The following SLC4A4 variants were observed in gnomAD, a reference collection of about 807,000 sequenced individuals.
SLC4A4 encodes the protein electrogenic sodium bicarbonate cotransporter 1.
In SLC4A4, 27 loss-of-function variants were observed where a neutral mutation model predicts 111.5. The observed-to-expected ratio is 0.24, with a 90% CI of 0.18 to 0.33. SLC4A4 has a LOEUF of 0.33. Among genes scored for constraint, SLC4A4 ranks in the 10% least tolerant of loss-of-function variants. The pLI is 1.00. For missense variants in SLC4A4, 909 were observed against 1,315.5 expected (o/e 0.69, Z 4.78); for synonymous variants, 443 against 463.4 (o/e 0.96, Z 0.57).
At chr4:71,559,709 G>A (rs1375768617) in intron 22 of SLC4A4, among the ~76,000 whole-genome samples, 1 of 151,614 alleles carries the variant, frequency 6.6e-6, no homozygotes, top group Non-Finnish European at 1.5e-5. Flanking sequence ...CCTTTATGAT[G>A]TTTTAATTTT....
At chr4:71,557,085 A>C (rs761020701) in intron 21 of SLC4A4, among the ~76,000 whole-genome samples, 11 of 151,948 alleles carry the variant, frequency 7.2e-5, no homozygotes, top group Non-Finnish European at 5.9e-5. Context: ...CCTTAGATTC[A>C]GATGTTGACC....
intron 3 of SLC4A4, among the ~76,000 whole-genome samples, chr4:71,266,962 T>G (rs559905796): frequency 2.8e-4 from 43 of 152,284 alleles, no homozygotes; most frequent in Admixed American, 7.8e-4. Flanking sequence ...TCAGATAAAT[T>G]TAAGAGAATG....
chr4:71,135,896 G>A (rs928104952), intron 2 of SLC4A4, among the ~76,000 whole-genome samples: 10 of 152,232 alleles, frequency 6.6e-5, no homozygotes, highest in Middle Eastern at 3.4e-3. Context: ...TTGAGTTGTC[G>A]ATGCCTTGCC....
chr4:71,430,073 G>A (rs1021677783), intron 7 of SLC4A4, among the ~76,000 whole-genome samples: 3 of 152,130 alleles, frequency 2.0e-5, no homozygotes, highest in African/African-American at 7.2e-5. Flanking sequence ...AGTGTTTGAT[G>A]AGCCAAAATT....
chr4:71,371,398 C>T (rs1298866293), intron 6 of SLC4A4, among the ~76,000 whole-genome samples: 1 of 151,938 alleles, frequency 6.6e-6, no homozygotes, highest in African/African-American at 2.4e-5. Context: ...CGCCCACCAC[C>T]ACTCCCAGCT....
At chr4:71,231,263 C>T (rs1000934394) in intron 1 of SLC4A4, among the ~76,000 whole-genome samples, 4 of 152,154 alleles carry the variant, frequency 2.6e-5, no homozygotes, top group African/African-American at 7.2e-5. Context: ...TTGCGCTGTG[C>T]GGACTAGCTG....
intron 3 of SLC4A4, among the ~76,000 whole-genome samples, chr4:71,314,868 G>A (rs1010047714): frequency 6.6e-6 from 1 of 151,972 alleles, no homozygotes; most frequent in Admixed American, 6.6e-5. Flanking sequence ...AACCACCATG[G>A]CACATGTATA....
chr4:71,160,595 A>C (rs1744594538), intron 2 of SLC4A4, among the ~76,000 whole-genome samples: 2 of 151,946 alleles, frequency 1.3e-5, no homozygotes, highest in South Asian at 4.1e-4. Flanking sequence ...GGTAATATGG[A>C]GTTGAGGAGG....
intron 4 of SLC4A4, among the ~76,000 whole-genome samples, chr4:71,347,958 A>G (rs1476915846): frequency 6.6e-6 from 1 of 152,202 alleles, no homozygotes; most frequent in Admixed American, 6.6e-5. Context: ...ATAATTCTAG[A>G]TAACTCTGAC....
At chr4:71,526,127 A>C (rs893750077) in intron 16 of SLC4A4, among the ~76,000 whole-genome samples, 3 of 152,106 alleles carry the variant, frequency 2.0e-5, no homozygotes, top group African/African-American at 7.2e-5. Flanking sequence ...TAAGACATGA[A>C]TAGCCTGCTA....
chr4:71,314,907 A>G (rs1726552800), intron 3 of SLC4A4, among the ~76,000 whole-genome samples: 1 of 152,126 alleles, frequency 6.6e-6, no homozygotes, highest in Non-Finnish European at 1.5e-5. Context: ...TGTTCAGCAC[A>G]TGTATCCCAG....
chr4:71,449,935 G>C (rs1646264918), intron 9 of SLC4A4, among the ~76,000 whole-genome samples: 1 of 152,142 alleles, frequency 6.6e-6, no homozygotes, highest in Non-Finnish European at 1.5e-5. Context: ...GTGTGTTTGA[G>C]AGCTCAGTGT....
intron 2 of SLC4A4, among the ~76,000 whole-genome samples, chr4:71,106,672 A>T (rs1310406481): frequency 6.8e-6 from 1 of 146,172 alleles, no homozygotes; most frequent in Non-Finnish European, 1.5e-5. Context: ...CTATTGCAAG[A>T]ACAAAAAACC....
chr4:71,296,735 T>G (rs1405694461), intron 3 of SLC4A4, among the ~76,000 whole-genome samples: 1 of 152,228 alleles, frequency 6.6e-6, no homozygotes, highest in Non-Finnish European at 1.5e-5. Flanking sequence ...TCTCAAATAA[T>G]TCTTCACTTA....
intron 12 of SLC4A4, among the ~76,000 whole-genome samples, chr4:71,457,630 A>G (rs1313883976): frequency 6.6e-6 from 1 of 152,080 alleles, no homozygotes; most frequent in South Asian, 2.1e-4. Context: ...AGTAAGTTCC[A>G]CATTAATACT....
intron 1 of SLC4A4, among the ~76,000 whole-genome samples, chr4:71,088,292 G>A (rs1031868406): frequency 2.7e-5 from 4 of 150,428 alleles, no homozygotes; most frequent in South Asian, 2.1e-4. Context: ...TTGAGCCTAT[G>A]TGTGTCTCTG....
chr4:71,143,987 T>C (rs1744087711), intron 2 of SLC4A4, among the ~76,000 whole-genome samples: 1 of 152,194 alleles, frequency 6.6e-6, no homozygotes, highest in Non-Finnish European at 1.5e-5. Flanking sequence ...TTTGTTGCCA[T>C]TGCTTTTGGT....
intron 23 of SLC4A4, 45 bp from the exon 24 acceptor site, chr4:71,563,748 G>C: frequency 1.7e-6 from 2 of 1,185,630 alleles, no homozygotes; most frequent in Non-Finnish European, 2.5e-6. Context: ...AGGAAGGGCT[G>C]TATAATAAAA....
chr4:71,451,833 G>A (rs1234653869), intron 11 of SLC4A4, among the ~76,000 whole-genome samples: 1 of 152,138 alleles, frequency 6.6e-6, no homozygotes, highest in Non-Finnish European at 1.5e-5. Context: ...AGATGTACCA[G>A]CCTTCACCTC....
Sources: gnomAD v4.1 joint callset for allele counts (sites outside exome capture counted in the v4.1 genomes callset) on GRCh38, gnomAD v4.1.1 for gene constraint, MANE v1.5 for transcripts, NCBI Gene and HGNC (gene_info 2026-07-23, HGNC 2026-07-21) for gene names.